Variants in PAG1 observed in about 807,000 individuals in gnomAD.
PAG1 encodes the protein phosphoprotein membrane anchor with glycosphingolipid microdomains 1.
A neutral mutation model predicts 31.7 loss-of-function variants in PAG1; 23 were observed. The observed-to-expected ratio is 0.73, with a 90% CI of 0.52 to 1.03. The LOEUF (loss-of-function observed/expected upper bound fraction) is 1.03. PAG1 is among the 50% of genes least tolerant of loss of function. The pLI is 0.00. For synonymous variants in PAG1, 214 were observed against 210.3 expected, an observed-to-expected ratio of 1.02 and a Z score of -0.15; for missense variants, 473 against 540.7, an observed-to-expected ratio of 0.87 and a Z score of 1.24.
rs953870310 is a variant in PAG1 at position 80,993,846 on chromosome 8, T to C, written c.-80-539A>G. Reference sequence around the variant, plus strand: ...GTCTTGGACTCCTGGGCTCAAGTAATCCTCCTGCCTCAGCCTCCCAAAGTG... The same window carrying C: ...GTCTTGGACTCCTGGGCTCAAGTAACCCTCCTGCCTCAGCCTCCCAAAGTG... On this transcript the variant is annotated intron_variant, in intron 3 of 8. Transcript: ENST00000220597. 2.0e-5 allele frequency among the ~76,000 whole-genome samples: 3 copies of C among 152,122 alleles called. No individual in the cohort carries two copies. In the South Asian group the frequency reaches 6.2e-4, roughly 32 times the overall value.
chr8:81,061,028 TA>T (rs138281085), intron 2 of PAG1, among the ~76,000 whole-genome samples: 45 of 152,322 alleles, frequency 3.0e-4, no homozygotes, highest in African/African-American at 1.1e-3. Context: ...ATAAATTAAG[TA>T]GACTTTGTAG....
At chr8:80,989,680 C>T (rs1218060383) in intron 5 of PAG1, among the ~76,000 whole-genome samples, 1 of 152,122 alleles carries the variant, frequency 6.6e-6, no homozygotes, top group Non-Finnish European at 1.5e-5. Context: ...CCTATCTCGC[C>T]CAGGGCTGCT....
intron 3 of PAG1, among the ~76,000 whole-genome samples, chr8:81,007,503 G>A (rs1207830710): frequency 2.0e-5 from 3 of 150,668 alleles, no homozygotes; most frequent in Non-Finnish European, 4.4e-5. Flanking sequence ...CGGGTGTGGT[G>A]GCGGGCACGT....
At chr8:81,092,067 T>C (rs1387979815) in intron 1 of PAG1, among the ~76,000 whole-genome samples, 1 of 148,144 alleles carries the variant, frequency 6.8e-6, no homozygotes, top group African/African-American at 2.5e-5. Flanking sequence ...TAAAAGTAAA[T>C]CCAGGCTGGG....
intron 1 of PAG1, among the ~76,000 whole-genome samples, chr8:81,090,831 CA>C (rs143748677): frequency 0.087 from 13,197 of 152,136 alleles, 1,524 homozygotes; most frequent in African/African-American, 0.26. Context: ...GGTCTGATCG[CA>C]AAAGACTCTA....
intron 2 of PAG1, among the ~76,000 whole-genome samples, chr8:81,034,086 T>C (rs554082289): frequency 6.6e-6 from 1 of 152,334 alleles, no homozygotes; most frequent in East Asian, 1.9e-4. Context: ...ACCAGAATCA[T>C]GAAACTCAAT....
intron 8 of PAG1, among the ~76,000 whole-genome samples, chr8:80,979,251 C>T (rs576732103): frequency 2.8e-4 from 43 of 152,202 alleles, no homozygotes; most frequent in African/African-American, 9.6e-4. Context: ...TATATTTTAC[C>T]TTCTTGTCCC....
chr8:81,038,919 T>C (rs1808507250), intron 2 of PAG1, among the ~76,000 whole-genome samples: 1 of 152,216 alleles, frequency 6.6e-6, no homozygotes, highest in African/African-American at 2.4e-5. Flanking sequence ...TAATGCTCAC[T>C]ATCACAGAGA....
chr8:81,045,551 G>C (rs369829809), intron 2 of PAG1, among the ~76,000 whole-genome samples: 1 of 152,182 alleles, frequency 6.6e-6, no homozygotes, highest in African/African-American at 2.4e-5. Context: ...TGGAGGTGGG[G>C]TGACAGCCTA....
chr8:81,109,476 G>A (rs963865250), intron 1 of PAG1, among the ~76,000 whole-genome samples: 1 of 152,140 alleles, frequency 6.6e-6, no homozygotes, highest in Admixed American at 6.5e-5. Context: ...GACTGTGGTG[G>A]GGAATTGAGC....
intron 2 of PAG1, among the ~76,000 whole-genome samples, chr8:81,034,566 G>T (rs1195703470): frequency 6.6e-6 from 1 of 152,160 alleles, no homozygotes; most frequent in Admixed American, 6.5e-5. Context: ...CCACAATAAA[G>T]GGCTTCCTCC....
chr8:80,995,713 T>A (rs1047113208), intron 3 of PAG1, among the ~76,000 whole-genome samples: 2 of 152,246 alleles, frequency 1.3e-5, no homozygotes, highest in Admixed American at 1.3e-4. Flanking sequence ...AAAAAGAGTT[T>A]GCTGTGTGAG....
chr8:81,020,292 G>C (rs1312097524), intron 3 of PAG1, among the ~76,000 whole-genome samples: 2 of 152,164 alleles, frequency 1.3e-5, no homozygotes, highest in East Asian at 3.9e-4. Flanking sequence ...GATTGGTTTT[G>C]AAATGTGAGG....
intron 1 of PAG1, among the ~76,000 whole-genome samples, chr8:81,074,329 A>T (rs887056740): frequency 6.6e-6 from 1 of 152,066 alleles, no homozygotes; most frequent in African/African-American, 2.4e-5. Flanking sequence ...ATCATGAGGG[A>T]AGAGGGAGCA....
At chr8:80,988,130 C>T (rs796856054) in intron 5 of PAG1, among the ~76,000 whole-genome samples, 7 of 152,302 alleles carry the variant, frequency 4.6e-5, no homozygotes, top group African/African-American at 1.7e-4. Context: ...TGCAGAGCTT[C>T]CTGCCTGGTG....
chr8:81,056,735 T>C (rs1324708955), intron 2 of PAG1, among the ~76,000 whole-genome samples: 1 of 150,528 alleles, frequency 6.6e-6, no homozygotes, highest in African/African-American at 2.5e-5. Context: ...CTAATTAAAC[T>C]AAAGAGCTTC....
chr8:80,976,532 T>G lies in PAG1; in HGVS notation c.*12A>C, dbSNP rs775091244. On this transcript the variant is annotated 3_prime_UTR_variant, in exon 9 of 9. Coordinates refer to ENST00000220597, the MANE Select transcript of PAG1 (RefSeq NM_018440.4). ...ACTGATCACAGGCTACCCAGGGTTGTCTTCTGGGTTGCTAGAGCCTGGTAA... is the reference window on the plus strand; with the variant it reads ...ACTGATCACAGGCTACCCAGGGTTGGCTTCTGGGTTGCTAGAGCCTGGTAA... 1 of 1,598,282 alleles carries G rather than the reference T, an allele frequency of 6.3e-7. No homozygotes were observed. Among genetic ancestry groups the G allele is most frequent in the Admixed American group, 1.7e-5 (1 of 57,832 alleles).
At position 80,985,016 on chromosome 8, in the gene PAG1, C is replaced by G. The variant is rs767123972; in HGVS notation, c.636G>C (p.Glu212Asp). 8 of 1,614,154 alleles carry G rather than the reference C, an allele frequency of 5.0e-6. No homozygotes were observed. In the South Asian group the frequency reaches 7.7e-5, roughly 16 times the overall value. The change falls in exon 7 of 9, where the codon GAG becomes GAC. Residue 212 changes from glutamate to aspartate, a missense_variant. Transcript: ENST00000220597. ...TGCCTTCAGTCTGGGGCCCTGGGAG[C>G]TCTTTCGAGGCAGAAGTAGATTTTG... ...GKAKSTSASK[E>D]LPGPQTEGKA...
At chr8:81,059,075 A>G (rs73279946) in intron 2 of PAG1, among the ~76,000 whole-genome samples, 2,869 of 152,216 alleles carry the variant, frequency 0.019, 100 homozygotes, top group African/African-American at 0.063. Flanking sequence ...CAGACACTTA[A>G]GTATATATAC....
Sources: allele counts gnomAD v4.1 joint callset (sites outside exome capture counted in the v4.1 genomes callset), GRCh38; gene constraint gnomAD v4.1.1; transcripts MANE v1.5; gene names NCBI Gene and HGNC (gene_info 2026-07-23, HGNC 2026-07-21).